Variants in KMO observed in about 807,000 individuals in gnomAD.
KMO encodes the protein kynurenine 3-monooxygenase.
Under a neutral mutation model 57.8 loss-of-function variants are expected in KMO, and 24 were observed. The ratio of observed to expected loss-of-function variants is 0.42; its 90% confidence interval spans 0.30 to 0.58. The LOEUF (loss-of-function observed/expected upper bound fraction) is 0.58. Among genes scored for constraint, KMO ranks in the 20% least tolerant of loss-of-function variants. KMO has a pLI of 0.22. For synonymous variants in KMO, 210 were observed against 193.6 expected (o/e 1.08, Z -0.70); for missense variants, 483 against 588.2 (o/e 0.82, Z 1.85).
intron 10 of KMO, among the ~76,000 whole-genome samples, chr1:241,573,208 A>C (rs1662371618): frequency 1.3e-5 from 2 of 152,072 alleles, no homozygotes; most frequent in African/African-American, 2.4e-5. Context: ...GCTGGTTTCG[A>C]CCTGCTGTGC....
chr1:241,580,756 T>G (rs1662718102), intron 10 of KMO, among the ~76,000 whole-genome samples: 1 of 152,120 alleles, frequency 6.6e-6, no homozygotes, highest in African/African-American at 2.4e-5. Flanking sequence ...GAGATTTTTT[T>G]TGTGACCTAA....
intron 1 of KMO, among the ~76,000 whole-genome samples, chr1:241,547,820 T>A (rs1016852647): frequency 9.2e-5 from 14 of 152,050 alleles, no homozygotes; most frequent in African/African-American, 3.4e-4. Flanking sequence ...ATATTCCACT[T>A]CCATGTATAG....
chr1:241,562,935 GAAGGA>G (rs1168493533), intron 7 of KMO, among the ~76,000 whole-genome samples: 68 of 70,970 alleles, frequency 9.6e-4, no homozygotes, highest in South Asian at 4.3e-3. Flanking sequence ...AGGAAGGAAG[GAAGGA>G]GACGGGAAGG....
At chr1:241,561,445 C>T (rs1309210228) in intron 6 of KMO, among the ~76,000 whole-genome samples, 1 of 152,122 alleles carries the variant, frequency 6.6e-6, no homozygotes, top group Non-Finnish European at 1.5e-5. Context: ...AAATCTATAA[C>T]ACTCCCCAGT....
intron 1 of KMO, among the ~76,000 whole-genome samples, chr1:241,536,737 C>T (rs188950455): frequency 1.3e-5 from 2 of 152,282 alleles, no homozygotes; most frequent in East Asian, 3.9e-4. Flanking sequence ...TCTACTCTCC[C>T]TATGTTTGAC....
intron 1 of KMO, among the ~76,000 whole-genome samples, chr1:241,535,869 G>A (rs569226233): frequency 6.6e-6 from 1 of 152,146 alleles, no homozygotes; most frequent in South Asian, 2.1e-4. Context: ...ATGCCCACAG[G>A]GCTTTGTTTG....
chr1:241,548,914 A>T lies in KMO; in HGVS notation c.124+16A>T. The T allele has an allele frequency of 6.4e-7, 1 of 1,573,684 alleles. No homozygotes were observed. On this transcript the variant is annotated intron_variant, in intron 2 of 14. Coordinates refer to ENST00000366559, the MANE Select transcript of KMO (RefSeq NM_003679.5). ...GCTAGGGAAGGTACGTCCATGGTGA[A>T]AAAAGCAGGATGAACGCTGGGCACG...
intron 1 of KMO, among the ~76,000 whole-genome samples, chr1:241,534,738 T>C (rs750205766): frequency 5.9e-5 from 9 of 152,230 alleles, no homozygotes; most frequent in Non-Finnish European, 1.0e-4. Flanking sequence ...TTTTCCCTTA[T>C]AGTCCATACT....
chr1:241,580,439 G>T (rs1327127957), intron 10 of KMO, among the ~76,000 whole-genome samples: 1 of 152,034 alleles, frequency 6.6e-6, no homozygotes, highest in East Asian at 1.9e-4. Flanking sequence ...TTGTTAGGTT[G>T]TTTATTTGAA....
At chr1:241,563,267 A>G (rs781710735) in intron 7 of KMO, among the ~76,000 whole-genome samples, 16 of 152,202 alleles carry the variant, frequency 1.1e-4, no homozygotes, top group Admixed American at 2.0e-4. Flanking sequence ...GGAACTTGTT[A>G]AGAAAAAATT....
intron 6 of KMO, 23 bp downstream of exon 6, chr1:241,560,775 A>G: frequency 6.6e-7 from 1 of 1,521,758 alleles, no homozygotes; most frequent in Non-Finnish European, 9.1e-7. Flanking sequence ...CAGGTTTTGG[A>G]CTTCAGAGGT....
intron 1 of KMO, among the ~76,000 whole-genome samples, chr1:241,545,496 G>A (rs1018346412): frequency 5.2e-4 from 79 of 152,248 alleles, no homozygotes; most frequent in African/African-American, 1.8e-3. Flanking sequence ...GTAGATGGAA[G>A]TCTTCTCTCT....
chr1:241,594,825 G>T lies in KMO; in HGVS notation c.*2672G>T. The T allele has an allele frequency of 1.1e-6, 1 of 945,934 alleles. No individual in the cohort carries two copies. The highest frequency in any genetic ancestry group is 1.6e-6 in the Non-Finnish European group (1 of 637,914). 58.6% of individuals were successfully genotyped at this position (945,934 alleles called of 1,614,324 possible). A position where few individuals can be genotyped will look rare whatever the true frequency, so the allele number is the denominator to read the frequency against. On this transcript the variant is annotated 3_prime_UTR_variant, in exon 15 of 15. Coordinates refer to ENST00000366559, the MANE Select transcript of KMO (RefSeq NM_003679.5). ...AGCAGGTGTGGATGTGGGGTTATGT[G>T]GTCATGCTCAGATCTACCTAAATCA...
intron 5 of KMO, among the ~76,000 whole-genome samples, chr1:241,559,270 T>G (rs1661750059): frequency 6.6e-6 from 1 of 152,080 alleles, no homozygotes. Flanking sequence ...CTCCAAGTAC[T>G]CAAACACTAC....
intron 6 of KMO, among the ~76,000 whole-genome samples, chr1:241,561,842 A>G (rs1305072341): frequency 2.0e-5 from 3 of 152,180 alleles, no homozygotes; most frequent in Non-Finnish European, 4.4e-5. Context: ...GGTTGTTCAT[A>G]CATTCATTCG....
At chr1:241,546,397 T>C (rs77093564) in intron 1 of KMO, among the ~76,000 whole-genome samples, 14,778 of 152,140 alleles carry the variant, frequency 0.097, 1,132 homozygotes, top group East Asian at 0.26. Context: ...TCAGTAGAGG[T>C]ATTAGTTCAA....
chr1:241,567,703 T>A (rs1042926978), intron 9 of KMO, among the ~76,000 whole-genome samples: 31 of 152,332 alleles, frequency 2.0e-4, no homozygotes, highest in South Asian at 6.2e-4. Flanking sequence ...GCAGGTCTTT[T>A]AAAAATTGCT....
intron 7 of KMO, among the ~76,000 whole-genome samples, chr1:241,563,203 G>A (rs1395200086): frequency 6.6e-6 from 1 of 152,108 alleles, no homozygotes; most frequent in Admixed American, 6.5e-5. Context: ...TATGTGACTG[G>A]AGGCAAATAA....
chr1:241,533,917 T>C (rs999202991), intron 1 of KMO, among the ~76,000 whole-genome samples: 2 of 152,196 alleles, frequency 1.3e-5, no homozygotes, highest in African/African-American at 4.8e-5. Context: ...AGAAAGAGCA[T>C]TTCAGGCAGA....
Sources: allele counts gnomAD v4.1 joint callset (sites outside exome capture counted in the v4.1 genomes callset), GRCh38; gene constraint gnomAD v4.1.1; transcripts MANE v1.5; gene names NCBI Gene and HGNC (gene_info 2026-07-23, HGNC 2026-07-21).